XXYLT1: variants seen among roughly 807,000 people sequenced by gnomAD.
XXYLT1 encodes xyloside xylosyltransferase 1.
Under a neutral mutation model 28.9 loss-of-function variants are expected in XXYLT1, and 20 were observed. The observed-to-expected ratio is 0.69, with a 90% CI of 0.49 to 1.00. The LOEUF is 1.00. XXYLT1 is among the 50% of genes least tolerant of loss of function. The pLI, the probability that XXYLT1 is intolerant of heterozygous loss-of-function variation, is 0.00. For synonymous variants in XXYLT1, 257 were observed against 253.8 expected, an observed-to-expected ratio of 1.01 and a Z score of -0.12; for missense variants, 542 against 560.1, an observed-to-expected ratio of 0.97 and a Z score of 0.33.
At chr3:195,178,401 G>C (rs966523066) in intron 2 of XXYLT1, among the ~76,000 whole-genome samples, 3 of 152,146 alleles carry the variant, frequency 2.0e-5, no homozygotes, top group African/African-American at 7.2e-5. Flanking sequence ...GCTCTCTCCA[G>C]AAAACCCTAT....
intron 3 of XXYLT1, among the ~76,000 whole-genome samples, chr3:195,071,859 G>A (rs193102978): frequency 8.5e-5 from 13 of 152,238 alleles, no homozygotes; most frequent in Admixed American, 7.2e-4. Context: ...CAAGGAGCTC[G>A]ATTTACCCTT....
At chr3:195,081,543 A>G (rs1360760002) in intron 3 of XXYLT1, among the ~76,000 whole-genome samples, 2 of 151,988 alleles carry the variant, frequency 1.3e-5, no homozygotes, top group East Asian at 1.9e-4. Flanking sequence ...TACAGTGCAC[A>G]TACAGGTTAA....
At chr3:195,102,120 G>T (rs1716823615) in intron 3 of XXYLT1, among the ~76,000 whole-genome samples, 1 of 152,080 alleles carries the variant, frequency 6.6e-6, no homozygotes, top group South Asian at 2.1e-4. Context: ...GAATTGTCTG[G>T]TATATCTGAG....
intron 3 of XXYLT1, among the ~76,000 whole-genome samples, chr3:195,143,876 A>ATATAGTTATATATATC: frequency 8.9e-6 from 1 of 111,826 alleles, no homozygotes; most frequent in African/African-American, 4.1e-5. Context: ...ATATAGATAT[A>ATATAGTTATATATATC]TATATATATA....
At chr3:195,142,793 A>G (rs909574903) in intron 3 of XXYLT1, among the ~76,000 whole-genome samples, 1 of 152,268 alleles carries the variant, frequency 6.6e-6, no homozygotes, top group African/African-American at 2.4e-5. Flanking sequence ...CCGAACAGGG[A>G]GGATGGTGAA....
chr3:195,256,807 T>A lies in XXYLT1; in HGVS notation c.504+13748A>T, dbSNP rs1215002122. Among the ~76,000 whole-genome samples the A allele has an allele frequency of 2.6e-5, 4 of 152,208 alleles. No individual in the cohort carries two copies. The highest frequency in any genetic ancestry group is 3.9e-4 in the East Asian group (2 of 5,168). ...CTGGGCAGGACTCTGTCCACCACAC[T>A]CCAGCTGAAGTGAGCGCCCAGGGGC... On this transcript the variant is annotated intron_variant, in intron 1 of 3. Coordinates refer to ENST00000310380, the MANE Select transcript of XXYLT1 (RefSeq NM_152531.5). The surrounding 1 kb of genome is among the most constrained non-coding windows in gnomAD (Gnocchi z 4.2).
intron 2 of XXYLT1, among the ~76,000 whole-genome samples, chr3:195,187,299 G>A (rs907288137): frequency 6.6e-5 from 10 of 150,822 alleles, no homozygotes; most frequent in East Asian, 2.0e-4. Context: ...TCCTGACCTC[G>A]TGATCCACCC....
chr3:195,232,011 C>T (rs1724321550), intron 1 of XXYLT1, among the ~76,000 whole-genome samples: 1 of 152,036 alleles, frequency 6.6e-6, no homozygotes, highest in African/African-American at 2.4e-5. Context: ...GAAGCCATTG[C>T]ATCCTTGGCT....
chr3:195,087,867 T>C lies in XXYLT1; in HGVS notation c.786-17756A>G, dbSNP rs532084237. Among the ~76,000 whole-genome samples the C allele has an allele frequency of 5.6e-3, 847 of 151,952 alleles. 5 individuals are homozygous for C. Among genetic ancestry groups the C allele is most frequent in the Non-Finnish European group, 8.2e-3 (555 of 68,008 alleles). ...AAGCAGGGCGAGGCAAAGCCTCACT[T>C]GGGAAGCGCAAGGGGTCAGGGAGTT... On this transcript the variant is annotated intron_variant, in intron 3 of 3. Coordinates refer to ENST00000310380, the MANE Select transcript of XXYLT1 (RefSeq NM_152531.5).
intron 1 of XXYLT1, among the ~76,000 whole-genome samples, chr3:195,246,323 A>G (rs1377350374): frequency 6.6e-6 from 1 of 152,244 alleles, no homozygotes; most frequent in Non-Finnish European, 1.5e-5. Context: ...AAGTGTGGCC[A>G]GACCTGTTCT....
intron 3 of XXYLT1, among the ~76,000 whole-genome samples, chr3:195,109,573 TTG>T (rs1379949516): frequency 1.6e-5 from 2 of 121,674 alleles, no homozygotes; most frequent in Non-Finnish European, 3.5e-5. Flanking sequence ...GTGTGTGTGG[TTG>T]TGTGGCATAT....
At position 195,241,166 on chromosome 3, in the gene XXYLT1, G is replaced by A. The variant is rs140785778; in HGVS notation, c.505-14310C>T. ...CGACACCTACTTGGCACATTCCCAA[G>A]GAGGAGCTGTTCACACCTTCTTGAA... On this transcript the variant is annotated intron_variant, in intron 1 of 3. Transcript: ENST00000310380. Among the ~76,000 whole-genome samples, 220 of 152,320 alleles carry A rather than the reference G, an allele frequency of 1.4e-3. 1 individual carries two copies. The highest frequency in any genetic ancestry group is 5.1e-3 in the African/African-American group (213 of 41,566).
intron 3 of XXYLT1, among the ~76,000 whole-genome samples, chr3:195,074,843 C>A (rs1275069844): frequency 1.3e-5 from 2 of 152,210 alleles, no homozygotes; most frequent in Non-Finnish European, 2.9e-5. Flanking sequence ...CTCTAAGTAC[C>A]CGTGTCCCTA....
At chr3:195,267,616 T>C (rs545713352) in intron 1 of XXYLT1, among the ~76,000 whole-genome samples, 1 of 152,314 alleles carries the variant, frequency 6.6e-6, no homozygotes, top group African/African-American at 2.4e-5. Flanking sequence ...GACACGTCAA[T>C]GTCAGTGCCC....
chr3:195,199,455 C>T (rs1373191297), intron 2 of XXYLT1, among the ~76,000 whole-genome samples: 1 of 151,882 alleles, frequency 6.6e-6, no homozygotes, highest in Non-Finnish European at 1.5e-5. Flanking sequence ...ACTAAAAATA[C>T]AAAAAATTAG....
At chr3:195,085,406 G>C (rs896947957) in intron 3 of XXYLT1, among the ~76,000 whole-genome samples, 2 of 152,346 alleles carry the variant, frequency 1.3e-5, no homozygotes, top group East Asian at 3.9e-4. Context: ...GTCCAGGTCT[G>C]GCATCTCTGC....
chr3:195,156,640 C>T (rs112167207), intron 2 of XXYLT1, 59 bp from the exon 3 acceptor site: 26 of 1,588,522 alleles, frequency 1.6e-5, no homozygotes, highest in African/African-American at 2.7e-5. Flanking sequence ...GGCTCGGCCA[C>T]GGACAGAAAA....
Position 195,078,281 on chromosome 3 carries a change from C to T in XXYLT1, c.786-8170G>A, listed in dbSNP as rs965020125. Reference sequence around the variant, plus strand: ...TTCTGGAGAGTTCTGACATTTAGGGCGTGGAAGAAGAGGAGCCAGGAAGAT... The same window carrying T: ...TTCTGGAGAGTTCTGACATTTAGGGTGTGGAAGAAGAGGAGCCAGGAAGAT... On this transcript the variant is annotated intron_variant, in intron 3 of 3. Coordinates refer to ENST00000310380, the MANE Select transcript of XXYLT1 (RefSeq NM_152531.5). This position sits in a 1 kb window ranked among gnomAD's most constrained non-coding sequence, Gnocchi z 5.0. Among the ~76,000 whole-genome samples the T allele has an allele frequency of 6.6e-6, 1 of 151,992 alleles. No individual in the cohort carries two copies. The highest frequency in any genetic ancestry group is 2.4e-5 in the African/African-American group (1 of 41,374).
At chr3:195,207,155 G>T (rs1216105109) in intron 2 of XXYLT1, among the ~76,000 whole-genome samples, 3 of 152,216 alleles carry the variant, frequency 2.0e-5, no homozygotes, top group African/African-American at 7.2e-5. Flanking sequence ...ACTGTGGGAT[G>T]GCTCGCGGGT....
Sources: gnomAD v4.1 joint callset for allele counts (sites outside exome capture counted in the v4.1 genomes callset) on GRCh38, gnomAD v4.1.1 for gene constraint, Gnocchi (gnomAD v3.1) non-coding constraint, MANE v1.5 for transcripts, NCBI Gene and HGNC (gene_info 2026-07-23, HGNC 2026-07-21) for gene names.